KIF13A: variants seen among roughly 807,000 people sequenced by gnomAD.
KIF13A encodes the protein kinesin-like protein KIF13A.
A neutral mutation model predicts 212.2 loss-of-function variants in KIF13A; 79 were observed. The observed-to-expected ratio is 0.37, with a 90% CI of 0.31 to 0.45. The LOEUF (loss-of-function observed/expected upper bound fraction) is 0.45, where lower values mean the gene tolerates loss of function less well. Ranked by LOEUF, KIF13A falls within the 20% of genes least tolerant of loss-of-function variation. The probability of loss-of-function intolerance (pLI) is 1.00; values close to 1 mark genes in which losing one functional copy is unlikely to be tolerated. For synonymous variants in KIF13A, 789 were observed against 808.6 expected, an observed-to-expected ratio of 0.98 and a Z score of 0.41; for missense variants, 1,901 against 2,209.0, an observed-to-expected ratio of 0.86 and a Z score of 2.79.
At chr6:17,916,518 G>A (rs1054423175) in intron 2 of KIF13A, among the ~76,000 whole-genome samples, 7 of 152,096 alleles carry the variant, frequency 4.6e-5, no homozygotes, top group African/African-American at 1.7e-4. Context: ...TGTCTGAATC[G>A]GTTTTTATTA....
intron 19 of KIF13A, among the ~76,000 whole-genome samples, chr6:17,804,810 T>TCAAAAA (rs1762793936): frequency 9.6e-5 from 1 of 10,452 alleles, no homozygotes. Context: ...TCTGTCTCCA[T>TCAAAAA]TAAAAAAAAA....
chr6:17,975,750 T>C (rs1780367565), intron 2 of KIF13A, among the ~76,000 whole-genome samples: 1 of 148,568 alleles, frequency 6.7e-6, no homozygotes, highest in Non-Finnish European at 1.5e-5. Context: ...TTAGATTAGC[T>C]AGATACAGAG....
chr6:17,831,302 G>A (rs989748946), intron 12 of KIF13A, 67 bp from the exon 13 acceptor site: 17 of 1,547,176 alleles, frequency 1.1e-5, no homozygotes, highest in Non-Finnish European at 1.4e-5. Flanking sequence ...TGTATCCACG[G>A]AAAGAGTAAG....
rs1774799279 is a variant in KIF13A, at chr6:17,919,028, G to T, written c.147-20848C>A. Among the ~76,000 whole-genome samples the T allele has an allele frequency of 6.6e-6, 1 of 152,158 alleles. No homozygotes were observed. Among genetic ancestry groups the T allele is most frequent in the Non-Finnish European group, 1.5e-5 (1 of 68,046 alleles). On this transcript the variant is annotated intron_variant, in intron 2 of 38. Coordinates refer to ENST00000259711, the MANE Select transcript of KIF13A (RefSeq NM_022113.6). This position sits in a 1 kb window ranked among gnomAD's most constrained non-coding sequence, Gnocchi z 4.1. ...CAGGCACGAAATAGTCACTCAGTAA[G>T]TATCTCTTAAATGAATGGACAGATG...
rs956781101 is a variant in KIF13A, at chr6:17,899,735, A to G, written c.147-1555T>C. On this transcript the variant is annotated intron_variant, in intron 2 of 38. Coordinates refer to ENST00000259711, the MANE Select transcript of KIF13A (RefSeq NM_022113.6). This position sits in a 1 kb window ranked among gnomAD's most constrained non-coding sequence, Gnocchi z 5.2. ...CTTCAGGTTTTAGAGGGGAACTAGA[A>G]TAACTGGTATCTCTGGCTGCCATCA... 6.6e-6 allele frequency among the ~76,000 whole-genome samples: 1 copy of G among 152,216 alleles called. No homozygotes were observed. The highest frequency in any genetic ancestry group is 2.4e-5 in the African/African-American group (1 of 41,458).
At position 17,912,730 on chromosome 6, in the gene KIF13A, A is replaced by G. The variant is rs1182000811; in HGVS notation, c.147-14550T>C. 3.3e-5 allele frequency among the ~76,000 whole-genome samples: 5 copies of G among 152,200 alleles called. No homozygotes were observed. Among genetic ancestry groups the G allele is most frequent in the African/African-American group, 9.6e-5 (4 of 41,452 alleles). The stretch of plus-strand genomic sequence containing the variant: ...GGCTGGAAGAAGGGATCACATGAAA[A>G]TAAACACATCCTCCCAGTAATGATT... On this transcript the variant is annotated intron_variant, in intron 2 of 38. Coordinates refer to ENST00000259711, the MANE Select transcript of KIF13A (RefSeq NM_022113.6). The surrounding 1 kb of genome is among the most constrained non-coding windows in gnomAD (Gnocchi z 4.2).
rs1242327057 is a variant in KIF13A, at chr6:17,919,162, TGC to T, written c.147-20984_147-20983del. On this transcript the variant is annotated intron_variant, in intron 2 of 38. Coordinates refer to ENST00000259711, the MANE Select transcript of KIF13A (RefSeq NM_022113.6). The surrounding 1 kb of genome is among the most constrained non-coding windows in gnomAD (Gnocchi z 4.1). ...GAAGACCAAGTAAACATACATATAG[TGC>T]TGTGTTTTTACAAATGCTTTAATAG... Among the ~76,000 whole-genome samples the T allele has an allele frequency of 6.6e-6, 1 of 152,244 alleles. No homozygotes were observed. The highest frequency in any genetic ancestry group is 1.5e-5 in the Non-Finnish European group (1 of 68,046).
chr6:17,951,437 TAAAAAA>T lies in KIF13A; in HGVS notation c.146+35611_146+35616del. ...TGAGCCACTGTGACCAGCCTCAATT[TAAAAAA>T]AAAAAAAAAACAGCTTTAAGATATA... On this transcript the variant is annotated intron_variant, in intron 2 of 38. Coordinates refer to ENST00000259711, the MANE Select transcript of KIF13A (RefSeq NM_022113.6). This position sits in a 1 kb window ranked among gnomAD's most constrained non-coding sequence, Gnocchi z 4.9. 1 of 477,460 alleles carries T rather than the reference TAAAAAA, an allele frequency of 2.1e-6. No individual in the cohort carries two copies. The allele number at this position is 477,460 out of a possible 1,614,324, so 29.6% of individuals were successfully genotyped here.
intron 16 of KIF13A, among the ~76,000 whole-genome samples, chr6:17,823,038 T>C (rs1375559083): frequency 1.1e-4 from 4 of 35,140 alleles, no homozygotes; most frequent in Non-Finnish European, 2.1e-4. Context: ...GGTTCTATAC[T>C]TTTTTTTTTT....
At chr6:17,821,898 G>A in intron 16 of KIF13A, 1 of 1,535,402 alleles carries the variant, frequency 6.5e-7, no homozygotes, top group South Asian at 1.2e-5. Flanking sequence ...TTATTATCGG[G>A]AAGCCACCTA....
chr6:17,945,307 G>A (rs1006347720), intron 2 of KIF13A, among the ~76,000 whole-genome samples: 1 of 152,030 alleles, frequency 6.6e-6, no homozygotes, highest in African/African-American at 2.4e-5. Flanking sequence ...GCCAAAATAG[G>A]CTAAACTGAC....
chr6:17,983,973 T>C (rs977715434), intron 2 of KIF13A, among the ~76,000 whole-genome samples: 2 of 152,184 alleles, frequency 1.3e-5, no homozygotes, highest in African/African-American at 2.4e-5. Flanking sequence ...TCTTGGCAAG[T>C]TGACAGGACC....
At chr6:17,812,987 A>G (rs893592539) in intron 17 of KIF13A, among the ~76,000 whole-genome samples, 6 of 152,166 alleles carry the variant, frequency 3.9e-5, no homozygotes, top group African/African-American at 1.2e-4. Flanking sequence ...TCTTTTGAAG[A>G]CACTTTTGCT....
At chr6:17,931,613 T>C (rs1775991949) in intron 2 of KIF13A, among the ~76,000 whole-genome samples, 1 of 152,204 alleles carries the variant, frequency 6.6e-6, no homozygotes, top group African/African-American at 2.4e-5. Flanking sequence ...CTCAAACTCC[T>C]GGACTCAAGT....
At chr6:17,858,864 C>T (rs560821981) in intron 4 of KIF13A, among the ~76,000 whole-genome samples, 1 of 152,220 alleles carries the variant, frequency 6.6e-6, no homozygotes, top group Admixed American at 6.5e-5. Flanking sequence ...GCATCCTGAC[C>T]ATAATTCATG....
chr6:17,800,400 A>G (rs1381365459), intron 20 of KIF13A, among the ~76,000 whole-genome samples: 2 of 151,226 alleles, frequency 1.3e-5, no homozygotes, highest in Non-Finnish European at 2.9e-5. Context: ...GCTTAAAGGT[A>G]GCTCTCACAT....
chr6:17,975,348 G>T (rs912264044), intron 2 of KIF13A, among the ~76,000 whole-genome samples: 1 of 152,138 alleles, frequency 6.6e-6, no homozygotes, highest in African/African-American at 2.4e-5. Flanking sequence ...CTAACTTCAA[G>T]AATGAAGCTG....
intron 2 of KIF13A, among the ~76,000 whole-genome samples, chr6:17,974,453 GT>G (rs1363449867): frequency 6.6e-6 from 1 of 152,168 alleles, no homozygotes; most frequent in Non-Finnish European, 1.5e-5. Flanking sequence ...AACCATGTGC[GT>G]TAAGTCTTGG....
At chr6:17,792,261 T>C (rs948263135) in intron 25 of KIF13A, among the ~76,000 whole-genome samples, 6 of 148,038 alleles carry the variant, frequency 4.1e-5, no homozygotes, top group African/African-American at 1.5e-4. Flanking sequence ...AATGAGAACA[T>C]TTAGTTAGTT....
Sources: gnomAD v4.1 joint callset for allele counts (sites outside exome capture counted in the v4.1 genomes callset) on GRCh38, gnomAD v4.1.1 for gene constraint, Gnocchi (gnomAD v3.1) non-coding constraint, MANE v1.5 for transcripts, NCBI Gene and HGNC (gene_info 2026-07-23, HGNC 2026-07-21) for gene names.